Variants in SYN3 observed in about 807,000 individuals in gnomAD.
SYN3 encodes the protein synapsin-3.
In SYN3, 35 loss-of-function variants were observed where a neutral mutation model predicts 65.8. That is an observed-to-expected ratio of 0.53 (90% confidence interval 0.41 to 0.70). SYN3 has a LOEUF of 0.70. SYN3 is among the 30% of genes least tolerant of loss of function. SYN3 has a pLI of 0.00. For missense variants in SYN3, 680 were observed against 749.0 expected, an observed-to-expected ratio of 0.91 and a Z score of 1.08; for synonymous variants, 270 against 292.9, an observed-to-expected ratio of 0.92 and a Z score of 0.80.
intron 6 of SYN3, among the ~76,000 whole-genome samples, chr22:32,724,518 A>C (rs1280452597): frequency 2.0e-5 from 3 of 152,220 alleles, no homozygotes; most frequent in African/African-American, 7.2e-5. Flanking sequence ...TAATAAAATG[A>C]GGGACAGTAA....
chr22:32,967,949 C>T (rs144461265), intron 3 of SYN3, among the ~76,000 whole-genome samples: 47 of 152,284 alleles, frequency 3.1e-4, no homozygotes, highest in African/African-American at 1.0e-3. Flanking sequence ...GGGGCAGTAG[C>T]GCATGGGGAG....
intron 1 of SYN3, among the ~76,000 whole-genome samples, chr22:33,018,404 G>T (rs921114256): frequency 6.6e-6 from 1 of 152,152 alleles, no homozygotes; most frequent in East Asian, 1.9e-4. Context: ...AGGCCCCGTG[G>T]GTACCCAGCC....
chr22:32,873,024 C>T (rs1182806180), intron 4 of SYN3, among the ~76,000 whole-genome samples: 1 of 148,022 alleles, frequency 6.8e-6, no homozygotes, highest in African/African-American at 2.5e-5. Context: ...GATCTTGGCT[C>T]ACTGCAATCT....
At chr22:32,952,310 G>T (rs972642765) in intron 3 of SYN3, among the ~76,000 whole-genome samples, 6 of 151,828 alleles carry the variant, frequency 4.0e-5, no homozygotes, top group African/African-American at 1.2e-4. Context: ...GTGTGTGTGT[G>T]TGTGGACAGG....
chr22:32,781,027 CT>C, intron 6 of SYN3, among the ~76,000 whole-genome samples: 1 of 130,898 alleles, frequency 7.6e-6, no homozygotes, highest in Admixed American at 8.2e-5. Flanking sequence ...TTCTCTCTCT[CT>C]TTTTTCTTTC....
chr22:33,004,380 C>A (rs1049042712), intron 2 of SYN3, among the ~76,000 whole-genome samples: 3 of 152,270 alleles, frequency 2.0e-5, no homozygotes, highest in African/African-American at 7.2e-5. Flanking sequence ...AGGGATGGAG[C>A]TATCCAAGGT....
intron 13 of SYN3, among the ~76,000 whole-genome samples, chr22:32,517,036 C>A (rs2057790296): frequency 6.6e-6 from 1 of 152,116 alleles, no homozygotes; most frequent in African/African-American, 2.4e-5. Context: ...AAGAGATGGG[C>A]CTGAGAGGAA....
intron 1 of SYN3, among the ~76,000 whole-genome samples, chr22:33,046,065 G>A (rs2054059078): frequency 6.6e-6 from 1 of 150,488 alleles, no homozygotes; most frequent in African/African-American, 2.4e-5. Flanking sequence ...AGAGAATATA[G>A]GAATGGTAAA....
At position 32,560,531 on chromosome 22, in the gene SYN3, G is replaced by A. The variant is rs115561589; in HGVS notation, c.775-18818C>T. ...TCACAGGCCTATCCTGTCGATTCCAGGCAGACAATAGCAAGAGCCAAGGCC... is the reference window on the plus strand; with the variant it reads ...TCACAGGCCTATCCTGTCGATTCCAAGCAGACAATAGCAAGAGCCAAGGCC... On this transcript the variant is annotated intron_variant, in intron 7 of 13. Coordinates refer to ENST00000358763, the MANE Select transcript of SYN3 (RefSeq NM_003490.4). 7.3e-3 allele frequency among the ~76,000 whole-genome samples: 1,118 copies of A among 152,278 alleles called. 8 individuals are homozygous for A. Among genetic ancestry groups the A allele is most frequent in the African/African-American group, 0.025 (1,032 of 41,548 alleles).
chr22:32,533,783 C>T lies in SYN3; in HGVS notation c.1095+10G>A, dbSNP rs550199325. The T allele has an allele frequency of 6.2e-7, 1 of 1,603,326 alleles. No individual in the cohort carries two copies. The highest frequency in any genetic ancestry group is 1.7e-5 in the Admixed American group (1 of 59,958). On this transcript the variant is annotated intron_variant, in intron 10 of 13. Coordinates refer to ENST00000358763, the MANE Select transcript of SYN3 (RefSeq NM_003490.4). ...GACCAGCCAGGAGGACTCCCTGCTT[C>T]ATCCCTCACCTCGATGATGTAATCT...
At chr22:32,558,924 C>G (rs1021729551) in intron 7 of SYN3, among the ~76,000 whole-genome samples, 24 of 152,228 alleles carry the variant, frequency 1.6e-4, no homozygotes, top group African/African-American at 5.5e-4. Context: ...GGGTGGGGCA[C>G]TGGTCTGGGA....
At chr22:32,829,746 C>A (rs117475847) in intron 6 of SYN3, among the ~76,000 whole-genome samples, 3,695 of 152,374 alleles carry the variant, frequency 0.024, 64 homozygotes, top group Non-Finnish European at 0.039. Flanking sequence ...TCTCACTCTG[C>A]ACATCAGTGC....
intron 6 of SYN3, among the ~76,000 whole-genome samples, chr22:32,786,390 T>C (rs1158440415): frequency 1.3e-5 from 2 of 152,084 alleles, no homozygotes; most frequent in Non-Finnish European, 2.9e-5. Flanking sequence ...TATTCTTTTT[T>C]TTTTTTTGAG....
At chr22:32,533,928 C>T (rs1425191457) in intron 9 of SYN3, 33 bp from the exon 10 acceptor site, 3 of 1,525,498 alleles carry the variant, frequency 2.0e-6, no homozygotes, top group African/African-American at 2.7e-5. Context: ...AGTGAAGTGG[C>T]CTGGGAAAGT....
chr22:32,985,326 CCA>C (rs1338833743), intron 2 of SYN3, among the ~76,000 whole-genome samples: 11 of 152,064 alleles, frequency 7.2e-5, no homozygotes. Flanking sequence ...TGCTGGGGAC[CCA>C]CAAATAAACA....
At chr22:32,790,017 C>T (rs1045919264) in intron 6 of SYN3, among the ~76,000 whole-genome samples, 11 of 152,196 alleles carry the variant, frequency 7.2e-5, no homozygotes, top group Admixed American at 6.5e-4. Context: ...GTGAGGTAGG[C>T]GCTATTGTTG....
At chr22:32,639,605 G>T (rs1404675066) in intron 6 of SYN3, among the ~76,000 whole-genome samples, 1 of 152,066 alleles carries the variant, frequency 6.6e-6, no homozygotes, top group African/African-American at 2.4e-5. Context: ...TCATGGCTCA[G>T]TGGTGCTATC....
chr22:32,643,556 G>A (rs1367351000), intron 6 of SYN3, among the ~76,000 whole-genome samples: 1 of 38,632 alleles, frequency 2.6e-5, no homozygotes, highest in Non-Finnish European at 4.7e-5. Context: ...TGGTGGGGGG[G>A]CGGGGGGGGC....
At chr22:32,869,367 T>TCTCTCTCACA (rs61464794) in intron 4 of SYN3, among the ~76,000 whole-genome samples, 145 of 142,474 alleles carry the variant, frequency 1.0e-3, no homozygotes, top group South Asian at 1.8e-3. Context: ...TCTCTCTCTC[T>TCTCTCTCACA]CACAGGCTCT....
Sources: allele counts gnomAD v4.1 joint callset (sites outside exome capture counted in the v4.1 genomes callset), GRCh38; gene constraint gnomAD v4.1.1; transcripts MANE v1.5; gene names NCBI Gene and HGNC (gene_info 2026-07-23, HGNC 2026-07-21).